The following NTM variants were observed in gnomAD, a reference collection of about 807,000 sequenced individuals.
The protein encoded by NTM is IgLON family member 2.
NTM carries 13 observed loss-of-function variants against 42.1 expected under a neutral mutation model. The observed-to-expected ratio is 0.31, with a 90% confidence interval of 0.20 to 0.49. The LOEUF (loss-of-function observed/expected upper bound fraction) is 0.49, where lower values mean the gene tolerates loss of function less well. NTM is among the 20% of genes least tolerant of loss of function. The pLI, the probability that NTM is intolerant of heterozygous loss-of-function variation, is 0.99. For synonymous variants in NTM, 187 were observed against 179.2 expected (o/e 1.04, Z -0.35); for missense variants, 373 against 452.8 (o/e 0.82, Z 1.60).
At chr11:131,653,807 G>A (rs370761257) in intron 1 of NTM, among the ~76,000 whole-genome samples, 20 of 152,250 alleles carry the variant, frequency 1.3e-4, no homozygotes, top group African/African-American at 2.2e-4. Flanking sequence ...AGTGGCTTTC[G>A]GAATGACCAG....
At chr11:131,506,182 C>T (rs1242075614) in intron 1 of NTM, among the ~76,000 whole-genome samples, 1 of 152,096 alleles carries the variant, frequency 6.6e-6, no homozygotes, top group African/African-American at 2.4e-5. Flanking sequence ...TCAATTACTC[C>T]TTGTGATTAT....
intron 1 of NTM, among the ~76,000 whole-genome samples, chr11:131,569,140 G>GTTTTCA (rs1297328404): frequency 1.8e-4 from 26 of 145,404 alleles, no homozygotes; most frequent in Non-Finnish European, 3.3e-4. Context: ...TTTTGTTTTC[G>GTTTTCA]TTTTCATTTT....
At chr11:131,970,184 A>T (rs1286499455) in intron 2 of NTM, among the ~76,000 whole-genome samples, 1 of 152,188 alleles carries the variant, frequency 6.6e-6, no homozygotes, top group Admixed American at 6.5e-5. Flanking sequence ...ACCAAATCAT[A>T]ATTGTCCTCA....
chr11:132,139,060 T>G (rs2068559568), intron 2 of NTM, among the ~76,000 whole-genome samples: 1 of 152,222 alleles, frequency 6.6e-6, no homozygotes. Flanking sequence ...CTTTCGGCAC[T>G]TCTGGGCTCT....
At chr11:132,196,213 A>G (rs544944374) in intron 3 of NTM, among the ~76,000 whole-genome samples, 1 of 152,322 alleles carries the variant, frequency 6.6e-6, no homozygotes, top group African/African-American at 2.4e-5. Flanking sequence ...ATGATCGCTA[A>G]TTGTTAGAGA....
chr11:132,085,457 A>T (rs925958755), intron 2 of NTM, among the ~76,000 whole-genome samples: 1 of 152,262 alleles, frequency 6.6e-6, no homozygotes, highest in Admixed American at 6.5e-5. Context: ...CTAAAGAAGC[A>T]GTTTATAACC....
chr11:131,460,323 C>A (rs113912062), intron 1 of NTM, among the ~76,000 whole-genome samples: 5,652 of 151,980 alleles, frequency 0.037, 327 homozygotes, highest in African/African-American at 0.13. Context: ...TTGAATGGCC[C>A]CAAAGGCCAA....
intron 7 of NTM, among the ~76,000 whole-genome samples, chr11:132,318,788 C>G (rs1016691966): frequency 1.3e-5 from 2 of 152,186 alleles, no homozygotes; most frequent in East Asian, 3.9e-4. Flanking sequence ...TCACCCCACC[C>G]TGTTCATCCC....
chr11:131,530,565 C>T (rs1225657878), intron 1 of NTM, among the ~76,000 whole-genome samples: 2 of 152,130 alleles, frequency 1.3e-5, no homozygotes, highest in Non-Finnish European at 2.9e-5. Flanking sequence ...TGAACAAAAG[C>T]CCTATGATTC....
intron 1 of NTM, among the ~76,000 whole-genome samples, chr11:131,709,696 A>G (rs77038626): frequency 0.017 from 2,537 of 152,288 alleles, 53 homozygotes; most frequent in African/African-American, 0.056. Context: ...GGTGTCTTGC[A>G]CAGGATTGAC....
chr11:131,480,957 TAATG>T (rs1344188964), intron 1 of NTM, among the ~76,000 whole-genome samples: 1 of 152,070 alleles, frequency 6.6e-6, no homozygotes, highest in African/African-American at 2.4e-5. Flanking sequence ...TTTTCCAAAT[TAATG>T]GCAATGTGCA....
intron 3 of NTM, among the ~76,000 whole-genome samples, chr11:132,150,255 C>A (rs1467983227): frequency 6.6e-6 from 1 of 152,068 alleles, no homozygotes; most frequent in African/African-American, 2.4e-5. Flanking sequence ...CTTGCCCCAC[C>A]CCCTGCATTT....
chr11:131,622,160 G>A (rs1004988806), intron 1 of NTM, among the ~76,000 whole-genome samples: 2 of 152,114 alleles, frequency 1.3e-5, no homozygotes, highest in African/African-American at 4.8e-5. Flanking sequence ...TGGGGAAAAT[G>A]GAACAGAAGA....
intron 1 of NTM, among the ~76,000 whole-genome samples, chr11:131,737,823 A>G (rs2080673073): frequency 6.6e-6 from 1 of 152,116 alleles, no homozygotes; most frequent in African/African-American, 2.4e-5. Context: ...TCAAAAATAT[A>G]AATGCCCAGT....
intron 1 of NTM, among the ~76,000 whole-genome samples, chr11:131,584,342 A>G (rs950508695): frequency 6.6e-6 from 1 of 152,150 alleles, no homozygotes; most frequent in Non-Finnish European, 1.5e-5. Context: ...TTGCCTTTAT[A>G]TCCCAGGATC....
intron 2 of NTM, among the ~76,000 whole-genome samples, chr11:132,071,791 C>G (rs2057711690): frequency 6.6e-6 from 1 of 151,790 alleles, no homozygotes; most frequent in South Asian, 2.1e-4. Context: ...TTATCAGATT[C>G]ACACAAAAAA....
intron 3 of NTM, among the ~76,000 whole-genome samples, chr11:132,207,203 G>T (rs2082107472): frequency 6.6e-6 from 1 of 152,188 alleles, no homozygotes; most frequent in Admixed American, 6.5e-5. Flanking sequence ...GGGTGAGTGA[G>T]TGAAGCTTCT....
intron 1 of NTM, among the ~76,000 whole-genome samples, chr11:131,719,722 G>A (rs189006524): frequency 1.2e-4 from 19 of 152,300 alleles, no homozygotes; most frequent in South Asian, 2.1e-4. Flanking sequence ...TATTTTAAGC[G>A]TCCTGTTGTG....
intron 1 of NTM, among the ~76,000 whole-genome samples, chr11:131,495,167 G>T (rs1461482985): frequency 1.3e-5 from 2 of 152,252 alleles, no homozygotes; most frequent in Non-Finnish European, 2.9e-5. Flanking sequence ...CACTTTCACT[G>T]TTTTTGGGTC....
Sources: allele counts gnomAD v4.1 joint callset (sites outside exome capture counted in the v4.1 genomes callset), GRCh38; gene constraint gnomAD v4.1.1; transcripts MANE v1.5; gene names NCBI Gene and HGNC (gene_info 2026-07-23, HGNC 2026-07-21).